ATRAID: variants seen among roughly 807,000 people sequenced by gnomAD.
ATRAID encodes all-trans retinoic acid induced differentiation factor.
Under a neutral mutation model 28.8 loss-of-function variants are expected in ATRAID, and 26 were observed. The observed-to-expected ratio is 0.90, with a 90% confidence interval of 0.66 to 1.25. The LOEUF is 1.25. ATRAID is among the 50% of genes most tolerant of loss of function. The probability of loss-of-function intolerance (pLI) is 0.00; values close to 1 mark genes in which losing one functional copy is unlikely to be tolerated. For missense variants in ATRAID, 308 were observed against 285.9 expected, an observed-to-expected ratio of 1.08 and a Z score of -0.56; for synonymous variants, 131 against 108.5, an observed-to-expected ratio of 1.21 and a Z score of -1.29.
At chr2:27,213,867 A>G (rs901124366) in intron 2 of ATRAID, among the ~76,000 whole-genome samples, 1 of 152,232 alleles carries the variant, frequency 6.6e-6, no homozygotes, top group African/African-American at 2.4e-5. Flanking sequence ...AAATTAGGAA[A>G]TATCCATCCT....
rs1674602176 is a variant in ATRAID at position 27,212,308 on chromosome 2, G to C, written c.-61G>C. ...ACGCCCGGGGAAGAGGGCCTGACGC[G>C]CTGCGGGGCGGGGCCGCGGGGCCGG... On this transcript the variant is annotated 5_prime_UTR_variant, in exon 1 of 7. Transcript: ENST00000380171. 1.3e-6 allele frequency: 2 copies of C among 1,549,814 alleles called. No individual in the cohort carries two copies. The highest frequency in any genetic ancestry group is 4.9e-5 in the East Asian group (2 of 41,202).
rs747680313 is a variant in ATRAID at position 27,212,260 on chromosome 2, G to A, written c.-109G>A. 3.9e-5 allele frequency: 60 copies of A among 1,558,310 alleles called. No individual in the cohort carries two copies. Among genetic ancestry groups the A allele is most frequent in the Non-Finnish European group, 5.1e-5 (59 of 1,151,602 alleles). On this transcript the variant is annotated 5_prime_UTR_variant, in exon 1 of 7. Coordinates refer to ENST00000380171, the MANE Select transcript of ATRAID (RefSeq NM_001170795.4). ...AAAAGCCCCCAAGCAGCCCCAGGGC[G>A]ACTGGACCGGGCCGCTTAGGCCACG...
chr2:27,212,582 G>C lies in ATRAID; in HGVS notation c.99+115G>C, dbSNP rs946544324. 2.1e-6 allele frequency: 3 copies of C among 1,459,580 alleles called. No homozygotes were observed. In the African/African-American group the frequency reaches 4.4e-5, roughly 21 times the overall value. The allele number at this position is 1,459,580 out of a possible 1,614,324, so 90.4% of individuals were successfully genotyped here. Reference sequence around the variant, plus strand: ...GGCCTGCGGTTCTGATTTCGTCCCTGACGCTTCCCGACCCTGCCCAGCCAG... The same window carrying C: ...GGCCTGCGGTTCTGATTTCGTCCCTCACGCTTCCCGACCCTGCCCAGCCAG... On this transcript the variant is annotated intron_variant, in intron 1 of 6. Coordinates refer to ENST00000380171, the MANE Select transcript of ATRAID (RefSeq NM_001170795.4).
rs1674863569 is a variant in ATRAID, at chr2:27,216,831, CTG to C, written c.586-11_586-10del. 1.9e-6 allele frequency: 3 copies of C among 1,609,112 alleles called. No individual in the cohort carries two copies. In the Admixed American group the frequency reaches 5.0e-5, roughly 27 times the overall value. On this transcript the variant is annotated splice_polypyrimidine_tract_variant and intron_variant, in intron 6 of 6. Coordinates refer to ENST00000380171, the MANE Select transcript of ATRAID (RefSeq NM_001170795.4). ...ACGTTGTATGGGGGTGTTTTTTGGT[CTG>C]TTGTTCACAGGGCTCGTTCTCACTG...
rs375610068 is a variant in ATRAID at position 27,214,776 on chromosome 2, C to A, written c.222-545C>A. Among the ~76,000 whole-genome samples, 144 of 152,242 alleles carry A rather than the reference C, an allele frequency of 9.5e-4. 1 individual carries two copies. The highest frequency in any genetic ancestry group is 3.4e-3 in the African/African-American group (140 of 41,530). ...CTGAGGCAGGAGAATTGCTTGAACC[C>A]GGGAGATGGAGGTTGCAGTGAGCCG... On this transcript the variant is annotated intron_variant, in intron 2 of 6. Coordinates refer to ENST00000380171, the MANE Select transcript of ATRAID (RefSeq NM_001170795.4).
In ATRAID at chr2:27,212,315, G is replaced by GGCGGGGCC. The variant is rs1027955698; in HGVS notation, c.-44_-37dup. The GGCGGGGCC allele has an allele frequency of 7.7e-6, 12 of 1,549,718 alleles. No homozygotes were observed. Among genetic ancestry groups the GGCGGGGCC allele is most frequent in the Middle Eastern group, 1.7e-4 (1 of 5,798 alleles). On this transcript the variant is annotated 5_prime_UTR_variant, in exon 1 of 7. Transcript: ENST00000380171. ...GGGAAGAGGGCCTGACGCGCTGCGG[G>GGCGGGGCC]GCGGGGCCGCGGGGCCGGGTCGCGC...
At chr2:27,212,644 G>C in intron 1 of ATRAID, 177 bp downstream of exon 1, 1 of 1,402,698 alleles carries the variant, frequency 7.1e-7, no homozygotes, top group Non-Finnish European at 9.2e-7. Flanking sequence ...GCAGGCCTTC[G>C]GCGCCCCAGT....
rs556050824 is a variant in ATRAID at position 27,212,894 on chromosome 2, A to G, written c.100-283A>G. On this transcript the variant is annotated intron_variant, in intron 1 of 6. Transcript: ENST00000380171. The stretch of plus-strand genomic sequence containing the variant: ...AGATTGAGAAGTCTCTGCAGAAAGC[A>G]TAATAAATAAGTTCGAATAGTGATC... 1.1e-5 allele frequency: 5 copies of G among 469,744 alleles called. No homozygotes were observed. In the South Asian group the frequency reaches 1.1e-4, roughly 10 times the overall value. The allele number at this position is 469,744 out of a possible 1,614,324, so 29.1% of individuals were successfully genotyped here.
chr2:27,212,560 C>G, intron 1 of ATRAID, 93 bp downstream of exon 1: 1 of 1,488,778 alleles, frequency 6.7e-7, no homozygotes, highest in Non-Finnish European at 8.9e-7. Flanking sequence ...CTCGGCGGGC[C>G]TGCGGTTCTG....
At position 27,212,089 on chromosome 2, in the gene ATRAID, G is replaced by A. The variant is rs969606138; in HGVS notation, c.-280G>A. On this transcript the variant is annotated 5_prime_UTR_variant, in exon 1 of 7. Transcript: ENST00000380171. ...CGGCGTCCGGACGCGGGGAACACCG[G>A]GCTGAGGGAGTCTGCAGTCGGCTCC... The A allele has an allele frequency of 2.9e-6, 4 of 1,397,680 alleles. No homozygotes were observed. The highest frequency in any genetic ancestry group is 5.9e-5 in the Admixed American group (2 of 34,076). The allele number at this position is 1,397,680 out of a possible 1,614,324, so 86.6% of individuals were successfully genotyped here.
chr2:27,213,220 T>A lies in ATRAID; in HGVS notation c.143T>A (p.Val48Glu). Residue 48 changes from valine (V) to glutamate (E), a missense_variant, in exon 2 of 7, where the codon GTG becomes GAG. Coordinates refer to ENST00000380171, the MANE Select transcript of ATRAID (RefSeq NM_001170795.4). ...CPGSVQNLSK[V>E]AFYCKTTREL... Reference sequence around the variant, plus strand: ...GGGAGCGTGCAAAATTTGTCAAAAGTGGCCTTTTATTGTAAAACGACACGA... The same window carrying A: ...GGGAGCGTGCAAAATTTGTCAAAAGAGGCCTTTTATTGTAAAACGACACGA... 2 of 1,614,176 alleles carry A rather than the reference T, an allele frequency of 1.2e-6. No homozygotes were observed. The highest frequency in any genetic ancestry group is 1.7e-6 in the Non-Finnish European group (2 of 1,180,014).
At chr2:27,215,861 G>C (rs182099341) in intron 5 of ATRAID, 108 bp downstream of exon 5, 93 of 1,425,630 alleles carry the variant, frequency 6.5e-5, no homozygotes, top group Non-Finnish European at 8.4e-5. Context: ...TCAGAGTTCT[G>C]GGGCTATAAC....
intron 2 of ATRAID, 136 bp from the exon 3 acceptor site, chr2:27,215,185 G>C: frequency 1.2e-6 from 1 of 802,692 alleles, no homozygotes; most frequent in Non-Finnish European, 2.0e-6. Flanking sequence ...GTCTACCACA[G>C]CTCCTAGTGT....
In ATRAID at chr2:27,214,228, G is replaced by C. The variant is rs1002367918; in HGVS notation, c.221+930G>C. 6.6e-5 allele frequency among the ~76,000 whole-genome samples: 10 copies of C among 152,232 alleles called. 1 individual carries two copies. Among genetic ancestry groups the C allele is most frequent in the Admixed American group, 3.9e-4 (6 of 15,290 alleles). On this transcript the variant is annotated intron_variant, in intron 2 of 6. Coordinates refer to ENST00000380171, the MANE Select transcript of ATRAID (RefSeq NM_001170795.4). ...AGCCACTCAAAGGCCAAAATACTGT[G>C]TTACATATTTTTAACATTCTCCCAG...
chr2:27,212,661 G>A, intron 1 of ATRAID, 194 bp downstream of exon 1: 2 of 1,382,090 alleles, frequency 1.4e-6, no homozygotes, highest in East Asian at 2.8e-5. Context: ...CAGTCCTGCC[G>A]ACTTTCAAAG....
Position 27,212,271 on chromosome 2 carries a change from G to T in ATRAID, c.-98G>T. On this transcript the variant is annotated 5_prime_UTR_variant, in exon 1 of 7. Transcript: ENST00000380171. ...AGCAGCCCCAGGGCGACTGGACCGGGCCGCTTAGGCCACGCCCGGGGAAGA... is the reference window on the plus strand; with the variant it reads ...AGCAGCCCCAGGGCGACTGGACCGGTCCGCTTAGGCCACGCCCGGGGAAGA... 6.4e-7 allele frequency: 1 copy of T among 1,555,326 alleles called. No individual in the cohort carries two copies. The highest frequency in any genetic ancestry group is 8.7e-7 in the Non-Finnish European group (1 of 1,149,822).
Position 27,212,330 on chromosome 2 carries a change from C to T in ATRAID, c.-39C>T. On this transcript the variant is annotated 5_prime_UTR_variant, in exon 1 of 7. Transcript: ENST00000380171. ...CGCGCTGCGGGGCGGGGCCGCGGGGCCGGGTCGCGCGAGCAGCGGAGCACC... is the reference window on the plus strand; with the variant it reads ...CGCGCTGCGGGGCGGGGCCGCGGGGTCGGGTCGCGCGAGCAGCGGAGCACC... 6.5e-7 allele frequency: 1 copy of T among 1,549,344 alleles called. No homozygotes were observed. The highest frequency in any genetic ancestry group is 8.7e-7 in the Non-Finnish European group (1 of 1,146,250).
chr2:27,213,229 A>G lies in ATRAID; in HGVS notation c.152A>G (p.Tyr51Cys). Residue 51 changes from tyrosine to cysteine, a missense_variant, in exon 2 of 7, where the codon TAT (tyrosine) becomes TGT (cysteine). Tyr to Cys is a radical substitution (Grantham distance 194, BLOSUM62 -2). Coordinates refer to ENST00000380171, the MANE Select transcript of ATRAID (RefSeq NM_001170795.4). ...CAAAATTTGTCAAAAGTGGCCTTTTATTGTAAAACGACACGAGAGCTAATG... is the reference window on the plus strand; with the variant it reads ...CAAAATTTGTCAAAAGTGGCCTTTTGTTGTAAAACGACACGAGAGCTAATG... ...SVQNLSKVAF[Y>C]CKTTRELMLH... The G allele has an allele frequency of 6.2e-7, 1 of 1,614,144 alleles. No homozygotes were observed. The highest frequency in any genetic ancestry group is 1.6e-4 in the Middle Eastern group (1 of 6,062).
intron 2 of ATRAID, 111 bp downstream of exon 2, chr2:27,213,409 A>G: frequency 1.4e-5 from 19 of 1,357,238 alleles, no homozygotes; most frequent in Non-Finnish European, 1.8e-5. Context: ...AGCTGTAATC[A>G]TCACGCAGAT....
Sources: gnomAD v4.1 joint callset for allele counts (sites outside exome capture counted in the v4.1 genomes callset) on GRCh38, gnomAD v4.1.1 for gene constraint, MANE v1.5 for transcripts, NCBI Gene and HGNC (gene_info 2026-07-23, HGNC 2026-07-21) for gene names.